The following SLX4IP variants were observed in gnomAD, a reference collection of about 807,000 sequenced individuals.
SLX4IP encodes SLX4 interacting protein.
SLX4IP carries 34 observed loss-of-function variants against 32.9 expected under a neutral mutation model. That is an observed-to-expected ratio of 1.03 (90% CI 0.79 to 1.38). The LOEUF (loss-of-function observed/expected upper bound fraction) is 1.38. Among genes scored for constraint, SLX4IP ranks in the 40% most tolerant of loss-of-function variants. The probability of loss-of-function intolerance (pLI) is 0.00; values close to 1 mark genes in which losing one functional copy is unlikely to be tolerated. For synonymous variants in SLX4IP, 172 were observed against 171.7 expected, an observed-to-expected ratio of 1.00 and a Z score of -0.01; for missense variants, 444 against 479.0, an observed-to-expected ratio of 0.93 and a Z score of 0.68.
At chr20:10,504,332 CA>C (rs1486305045) in intron 2 of SLX4IP, among the ~76,000 whole-genome samples, 3 of 152,150 alleles carry the variant, frequency 2.0e-5, no homozygotes, top group Non-Finnish European at 4.4e-5. Context: ...CCTGAAAATA[CA>C]GGAAGAACCA....
intron 2 of SLX4IP, among the ~76,000 whole-genome samples, chr20:10,466,982 C>T (rs1024023041): frequency 6.6e-6 from 1 of 151,986 alleles, no homozygotes; most frequent in Non-Finnish European, 1.5e-5. Flanking sequence ...CTTAGAACAC[C>T]ACAAAAAGAG....
At chr20:10,577,844 C>G (rs1018202906) in intron 4 of SLX4IP, among the ~76,000 whole-genome samples, 1 of 152,204 alleles carries the variant, frequency 6.6e-6, no homozygotes, top group Non-Finnish European at 1.5e-5. Context: ...GATTGATTTG[C>G]TGAATCAGTC....
At chr20:10,477,209 T>C (rs2065482623) in intron 2 of SLX4IP, among the ~76,000 whole-genome samples, 1 of 152,082 alleles carries the variant, frequency 6.6e-6, no homozygotes, top group Non-Finnish European at 1.5e-5. Context: ...TTTAGTGGCA[T>C]GATTTCGGCT....
chr20:10,589,926 A>T (rs1471286809), intron 4 of SLX4IP, among the ~76,000 whole-genome samples: 3 of 152,068 alleles, frequency 2.0e-5, no homozygotes, highest in Non-Finnish European at 4.4e-5. Context: ...TGTTACTTTT[A>T]ATTAGGAAAA....
At chr20:10,621,693 A>G (rs775382628) in intron 7 of SLX4IP, among the ~76,000 whole-genome samples, 1 of 150,280 alleles carries the variant, frequency 6.7e-6, no homozygotes, top group Non-Finnish European at 1.5e-5. Context: ...GAGGGACTAC[A>G]GACAGATCTA....
At chr20:10,557,551 C>CA (rs1054665083) in intron 3 of SLX4IP, among the ~76,000 whole-genome samples, 3 of 152,190 alleles carry the variant, frequency 2.0e-5, no homozygotes, top group African/African-American at 7.2e-5. Flanking sequence ...TGCTGTGATT[C>CA]AAAACTGTTC....
intron 1 of SLX4IP, among the ~76,000 whole-genome samples, chr20:10,451,762 T>C (rs1208032934): frequency 6.7e-6 from 1 of 150,098 alleles, no homozygotes; most frequent in South Asian, 2.1e-4. Flanking sequence ...AGGTCAGGAG[T>C]TCGAGAACAG....
intron 6 of SLX4IP, among the ~76,000 whole-genome samples, chr20:10,609,142 C>T (rs2066938775): frequency 6.6e-6 from 1 of 152,122 alleles, no homozygotes; most frequent in Non-Finnish European, 1.5e-5. Flanking sequence ...CCAGTAGCTG[C>T]CAGCAGACTC....
intron 2 of SLX4IP, among the ~76,000 whole-genome samples, chr20:10,494,843 A>T (rs949123899): frequency 3.3e-5 from 5 of 152,072 alleles, no homozygotes; most frequent in African/African-American, 1.2e-4. Flanking sequence ...CATATAATAG[A>T]GTTTGTGGAG....
intron 1 of SLX4IP, among the ~76,000 whole-genome samples, chr20:10,436,364 C>CT (rs56204408): frequency 2.5e-4 from 37 of 149,682 alleles, no homozygotes; most frequent in Middle Eastern, 3.5e-3. Flanking sequence ...TTCTTTCTTT[C>CT]TTTTTTTTTT....
At chr20:10,498,850 A>C (rs1239560777) in intron 2 of SLX4IP, among the ~76,000 whole-genome samples, 3 of 151,894 alleles carry the variant, frequency 2.0e-5, no homozygotes, top group African/African-American at 7.3e-5. Flanking sequence ...CTTTAGACAA[A>C]TTTACTTTGT....
chr20:10,558,250 G>A (rs999006669), intron 3 of SLX4IP, among the ~76,000 whole-genome samples: 1 of 151,598 alleles, frequency 6.6e-6, no homozygotes, highest in Non-Finnish European at 1.5e-5. Flanking sequence ...TGAGGTGGGG[G>A]GATCACTTGA....
chr20:10,449,555 G>A (rs1381174182), intron 1 of SLX4IP, among the ~76,000 whole-genome samples: 1 of 152,160 alleles, frequency 6.6e-6, no homozygotes, highest in Non-Finnish European at 1.5e-5. Context: ...CGCTTGGTTA[G>A]GCCATCAGCT....
At position 10,625,854 on chromosome 20, in the gene SLX4IP, C is replaced by A. The variant is rs541110228; in HGVS notation, c.*2475C>A. ...ATTTTTCTTGCACATGGCTGAAACA[C>A]CCCTGGCTCTCTTGTTATTTGAGTG... On this transcript the variant is annotated 3_prime_UTR_variant, in exon 8 of 8. Transcript: ENST00000334534. 1.3e-5 allele frequency: 2 copies of A among 152,196 alleles called. No individual in the cohort carries two copies. Among genetic ancestry groups the A allele is most frequent in the South Asian group, 2.1e-4 (1 of 4,814 alleles). The allele number at this position is 152,196 out of a possible 1,614,324, so 9.4% of individuals were successfully genotyped here. A position where few individuals can be genotyped will look rare whatever the true frequency, so the allele number is the denominator to read the frequency against.
intron 2 of SLX4IP, among the ~76,000 whole-genome samples, chr20:10,466,416 T>C (rs1244543478): frequency 6.6e-6 from 1 of 152,226 alleles, no homozygotes; most frequent in African/African-American, 2.4e-5. Context: ...TAGAATTCTT[T>C]TGGCTGCAGA....
intron 2 of SLX4IP, among the ~76,000 whole-genome samples, chr20:10,465,560 C>T (rs981666970): frequency 1.3e-5 from 2 of 152,136 alleles, no homozygotes; most frequent in African/African-American, 4.8e-5. Context: ...GGTTGGAGTG[C>T]GGTGGCAAGA....
chr20:10,470,762 T>G (rs1428761922), intron 2 of SLX4IP, among the ~76,000 whole-genome samples: 3 of 152,224 alleles, frequency 2.0e-5, no homozygotes, highest in Non-Finnish European at 4.4e-5. Flanking sequence ...TGTTACTGAT[T>G]AGTATTGAGA....
Position 10,464,302 on chromosome 20 carries a change from G to A in SLX4IP, c.27+6071G>A, listed in dbSNP as rs1389596896. Among the ~76,000 whole-genome samples, 4 of 152,106 alleles carry A rather than the reference G, an allele frequency of 2.6e-5. No individual in the cohort carries two copies. In the East Asian group the frequency reaches 7.7e-4, roughly 29 times the overall value. The stretch of plus-strand genomic sequence containing the variant: ...CTCCTGAGTAGCTGGGACTACAGAT[G>A]TGCACCACTACACCCAGCTTGAGAC... On this transcript the variant is annotated intron_variant, in intron 2 of 7. Coordinates refer to ENST00000334534, the MANE Select transcript of SLX4IP (RefSeq NM_001009608.3).
rs1228189866 is a variant in SLX4IP at position 10,626,469 on chromosome 20, A to G, written c.*3090A>G. The G allele has an allele frequency of 6.6e-6, 1 of 152,120 alleles. No individual in the cohort carries two copies. Among genetic ancestry groups the G allele is most frequent in the African/African-American group, 2.4e-5 (1 of 41,402 alleles). 9.4% of individuals were successfully genotyped at this position (152,120 alleles called of 1,614,324 possible). A position where few individuals can be genotyped will look rare whatever the true frequency, so the allele number is the denominator to read the frequency against. Reference sequence around the variant, plus strand: ...ATTATATTCAAGTCCCTGTGACTCCAATGCTTGGAGAAGTCATTGATATGA... The same window carrying G: ...ATTATATTCAAGTCCCTGTGACTCCGATGCTTGGAGAAGTCATTGATATGA... On this transcript the variant is annotated 3_prime_UTR_variant, in exon 8 of 8. Transcript: ENST00000334534.
Sources: gnomAD v4.1 joint callset for allele counts (sites outside exome capture counted in the v4.1 genomes callset) on GRCh38, gnomAD v4.1.1 for gene constraint, MANE v1.5 for transcripts, NCBI Gene and HGNC (gene_info 2026-07-23, HGNC 2026-07-21) for gene names.